The following ATRNL1 variants were observed in gnomAD, a reference collection of about 807,000 sequenced individuals.
The protein encoded by ATRNL1 is attractin-like protein 1.
In ATRNL1, 95 loss-of-function variants were observed where a neutral mutation model predicts 182.7. The observed-to-expected ratio is 0.52, with a 90% CI of 0.44 to 0.62. The LOEUF (loss-of-function observed/expected upper bound fraction) is 0.62, where lower values mean the gene tolerates loss of function less well. Among genes scored for constraint, ATRNL1 ranks in the 20% least tolerant of loss-of-function variants. The probability of loss-of-function intolerance (pLI) is 0.00; values close to 1 mark genes in which losing one functional copy is unlikely to be tolerated. For missense variants in ATRNL1, 1,471 were observed against 1,679.5 expected, an observed-to-expected ratio of 0.88 and a Z score of 2.17; for synonymous variants, 576 against 568.3, an observed-to-expected ratio of 1.01 and a Z score of -0.19.
chr10:115,364,546 C>T (rs1286093203), intron 19 of ATRNL1, among the ~76,000 whole-genome samples: 14 of 147,994 alleles, frequency 9.5e-5, no homozygotes, highest in Non-Finnish European at 1.8e-4. Flanking sequence ...GCCAGAACTT[C>T]CAACACTATG....
chr10:115,891,584 T>G (rs1277622898), intron 28 of ATRNL1, among the ~76,000 whole-genome samples: 1 of 152,204 alleles, frequency 6.6e-6, no homozygotes, highest in Non-Finnish European at 1.5e-5. Flanking sequence ...CAGTTACTCC[T>G]CTGTCCTGGA....
intron 19 of ATRNL1, among the ~76,000 whole-genome samples, chr10:115,355,934 G>T (rs1194298296): frequency 1.3e-5 from 2 of 151,342 alleles, no homozygotes; most frequent in African/African-American, 4.9e-5. Context: ...CAGTTTTGGG[G>T]AAAAAAGAGT....
chr10:115,302,325 A>G (rs1564893441), intron 17 of ATRNL1, among the ~76,000 whole-genome samples: 2 of 152,164 alleles, frequency 1.3e-5, no homozygotes, highest in Non-Finnish European at 2.9e-5. Flanking sequence ...ACACTTCATG[A>G]GAGTGTTCAC....
chr10:115,750,992 A>G lies in ATRNL1; in HGVS notation c.3903+23637A>G, dbSNP rs183832369. ...AGAAAAGTGACCCCCAAAGATGTGC[A>G]CATCCTAGTTCCCAGAACTTCACAT... is the stretch of plus-strand genomic sequence containing the variant. On this transcript the variant is annotated intron_variant, in intron 27 of 28. Transcript: ENST00000355044. 1.4e-4 allele frequency among the ~76,000 whole-genome samples: 22 copies of G among 152,188 alleles called. No individual in the cohort carries two copies. The East Asian group carries it at 3.9e-3, about 27-fold the overall frequency.
chr10:115,731,748 A>G lies in ATRNL1; in HGVS notation c.3903+4393A>G, dbSNP rs556508234. ...ACCAAAGTCAATTTTGGATCCTGTC[A>G]TCACCCCGAAAGAAACCCTATGCCT... On this transcript the variant is annotated intron_variant, in intron 27 of 28. Transcript: ENST00000355044. Among the ~76,000 whole-genome samples the G allele has an allele frequency of 3.3e-5, 5 of 151,830 alleles. No individual in the cohort carries two copies. The East Asian group carries it at 9.7e-4, about 29-fold the overall frequency.
rs1324565640 is a variant in ATRNL1, at chr10:115,528,474, G to A, written c.3716+9150G>A. ...TCTGCAGAATTGGCAGTAATGACCC[G>A]ACTTTTCATTTCTAAATTTTGTAAT... is the stretch of plus-strand genomic sequence containing the variant. On this transcript the variant is annotated intron_variant, in intron 25 of 28. Coordinates refer to ENST00000355044, the MANE Select transcript of ATRNL1 (RefSeq NM_207303.4). Among the ~76,000 whole-genome samples, 6 of 151,832 alleles carry A rather than the reference G, an allele frequency of 4.0e-5. 1 individual carries two copies. Among genetic ancestry groups the A allele is most frequent in the South Asian group, 4.1e-4 (2 of 4,820 alleles).
intron 28 of ATRNL1, among the ~76,000 whole-genome samples, chr10:115,870,094 T>C (rs1951546139): frequency 6.6e-6 from 1 of 151,594 alleles, no homozygotes; most frequent in Non-Finnish European, 1.5e-5. Context: ...AGCTAGTATG[T>C]ATGAACCATA....
At chr10:115,344,481 A>G (rs1554939207) in intron 19 of ATRNL1, among the ~76,000 whole-genome samples, 1 of 151,956 alleles carries the variant, frequency 6.6e-6, no homozygotes. Flanking sequence ...GCTCTTAAGT[A>G]AGCTTATGGT....
chr10:115,695,270 G>A (rs1465492349), intron 26 of ATRNL1, among the ~76,000 whole-genome samples: 1 of 152,018 alleles, frequency 6.6e-6, no homozygotes, highest in Non-Finnish European at 1.5e-5. Flanking sequence ...CATCAGTCAG[G>A]TCCAAATTCA....
At chr10:115,588,914 G>A (rs1226318031) in intron 26 of ATRNL1, among the ~76,000 whole-genome samples, 3 of 152,162 alleles carry the variant, frequency 2.0e-5, no homozygotes, top group South Asian at 2.1e-4. Context: ...ACAAGTATAA[G>A]TAATTTCCTT....
At chr10:115,362,584 T>G (rs1856801585) in intron 19 of ATRNL1, among the ~76,000 whole-genome samples, 1 of 151,984 alleles carries the variant, frequency 6.6e-6, no homozygotes, top group Admixed American at 6.6e-5. Flanking sequence ...GTTAGTTACA[T>G]ATGTATACAT....
At chr10:115,780,687 A>G (rs1949243760) in intron 27 of ATRNL1, among the ~76,000 whole-genome samples, 1 of 152,110 alleles carries the variant, frequency 6.6e-6, no homozygotes, top group Non-Finnish European at 1.5e-5. Flanking sequence ...CCTGGATGAC[A>G]TTTCTAGTTA....
chr10:115,899,368 G>T (rs12259200), intron 28 of ATRNL1, among the ~76,000 whole-genome samples: 1 of 152,026 alleles, frequency 6.6e-6, no homozygotes, highest in Non-Finnish European at 1.5e-5. Context: ...GAAGGCAATG[G>T]CATGATCTCG....
chr10:115,590,828 G>T lies in ATRNL1; in HGVS notation c.3795+41292G>T, dbSNP rs371123057. ...CACATATAGTAGTCCCTGAATACTA[G>T]CATTTCTGAACTCCTGTTGATCAGA... On this transcript the variant is annotated intron_variant, in intron 26 of 28. Transcript: ENST00000355044. Among the ~76,000 whole-genome samples the T allele has an allele frequency of 2.6e-4, 39 of 152,272 alleles. 1 individual carries two copies. In the South Asian group the frequency reaches 7.9e-3, roughly 31 times the overall value.
chr10:115,276,638 T>C (rs1181059504), intron 13 of ATRNL1, among the ~76,000 whole-genome samples: 2 of 152,198 alleles, frequency 1.3e-5, no homozygotes, highest in Non-Finnish European at 2.9e-5. Context: ...ATTATGTACA[T>C]TGATATCCTA....
chr10:115,275,043 C>A (rs1852042411), intron 13 of ATRNL1, among the ~76,000 whole-genome samples: 1 of 152,204 alleles, frequency 6.6e-6, no homozygotes, highest in African/African-American at 2.4e-5. Flanking sequence ...TCTTTGCAAT[C>A]CCTCCAGGAA....
intron 8 of ATRNL1, 122 bp from the exon 9 acceptor site, chr10:115,215,575 G>A (rs1849197675): frequency 1.3e-6 from 1 of 760,464 alleles, no homozygotes; most frequent in Non-Finnish European, 2.0e-6. Flanking sequence ...ATTAATATTA[G>A]ATATACAATG....
At chr10:115,715,352 C>A (rs545753097) in intron 26 of ATRNL1, among the ~76,000 whole-genome samples, 1 of 152,246 alleles carries the variant, frequency 6.6e-6, no homozygotes, top group East Asian at 1.9e-4. Context: ...GTATCATATA[C>A]CTCTTGCCAC....
chr10:115,911,200 A>T (rs1431644937), intron 28 of ATRNL1, among the ~76,000 whole-genome samples: 11 of 152,108 alleles, frequency 7.2e-5, no homozygotes, highest in Admixed American at 7.2e-4. Flanking sequence ...GGGCTCTGCC[A>T]TGTTGCCCAG....
Sources: allele counts gnomAD v4.1 joint callset (sites outside exome capture counted in the v4.1 genomes callset), GRCh38; gene constraint gnomAD v4.1.1; transcripts MANE v1.5; gene names NCBI Gene and HGNC (gene_info 2026-07-23, HGNC 2026-07-21).